Variants in SDK1 observed in about 807,000 individuals in gnomAD.
SDK1 encodes the protein sidekick cell adhesion molecule 1.
SDK1 carries 157 observed loss-of-function variants against 245.5 expected under a neutral mutation model. The ratio of observed to expected loss-of-function variants is 0.64; its 90% CI spans 0.56 to 0.73. The LOEUF (loss-of-function observed/expected upper bound fraction) is 0.73, where lower values mean the gene tolerates loss of function less well. Ranked by LOEUF, SDK1 falls within the 30% of genes least tolerant of loss-of-function variation. The pLI is 0.00. For synonymous variants in SDK1, 1,647 were observed against 1,278.5 expected, an observed-to-expected ratio of 1.29 and a Z score of -6.15; for missense variants, 3,583 against 3,002.3, an observed-to-expected ratio of 1.19 and a Z score of -4.52.
chr7:4,229,490 T>C lies in SDK1; in HGVS notation c.5828-3765T>C, dbSNP rs1785620338. On this transcript the variant is annotated intron_variant, in intron 40 of 44. Transcript: ENST00000404826. Reference sequence around the variant, plus strand: ...TCTGTATCAATATTTTAAAATGTTATTATGAAAAATGCACACAATTCCTGG... The same window carrying C: ...TCTGTATCAATATTTTAAAATGTTACTATGAAAAATGCACACAATTCCTGG... Among the ~76,000 whole-genome samples the C allele has an allele frequency of 2.0e-5, 3 of 152,222 alleles. No individual in the cohort carries two copies. In the South Asian group the frequency reaches 6.2e-4, roughly 32 times the overall value.
intron 22 of SDK1, among the ~76,000 whole-genome samples, chr7:4,103,114 C>A (rs960101169): frequency 6.6e-6 from 1 of 151,944 alleles, no homozygotes; most frequent in East Asian, 1.9e-4. Context: ...CATTCTCCTG[C>A]CTCAGCCTCC....
intron 4 of SDK1, among the ~76,000 whole-genome samples, chr7:3,699,805 G>A (rs1346986586): frequency 6.6e-6 from 1 of 152,086 alleles, no homozygotes. Flanking sequence ...AGAAATAATG[G>A]TTAAAGATTT....
chr7:3,419,803 A>G (rs1779487313), intron 1 of SDK1, among the ~76,000 whole-genome samples: 1 of 152,238 alleles, frequency 6.6e-6, no homozygotes, highest in African/African-American at 2.4e-5. Context: ...CAGAGAATTA[A>G]CAGGTTTCTC....
chr7:3,997,851 C>T (rs1237362952), intron 14 of SDK1, among the ~76,000 whole-genome samples: 1 of 152,200 alleles, frequency 6.6e-6, no homozygotes, highest in Non-Finnish European at 1.5e-5. Context: ...CTGCCTCCTG[C>T]TGCCATTCAT....
chr7:3,905,180 T>C (rs1449894413), intron 5 of SDK1, among the ~76,000 whole-genome samples: 1 of 151,852 alleles, frequency 6.6e-6, no homozygotes, highest in African/African-American at 2.4e-5. Context: ...AACTTCACCA[T>C]TTTTTTTATT....
intron 38 of SDK1, among the ~76,000 whole-genome samples, chr7:4,218,744 TCTC>T (rs1352698427): frequency 1.3e-5 from 2 of 152,156 alleles, no homozygotes; most frequent in East Asian, 3.9e-4. Flanking sequence ...GGGCAGCTCT[TCTC>T]AGGGATGCTC....
chr7:4,149,139 A>T (rs1307588208), intron 29 of SDK1, 123 bp from the exon 30 acceptor site: 2 of 646,038 alleles, frequency 3.1e-6, no homozygotes, highest in Non-Finnish European at 4.7e-6. Context: ...CAGACTGTCC[A>T]AGGCATGCAG....
intron 5 of SDK1, among the ~76,000 whole-genome samples, chr7:3,889,561 G>A (rs995856867): frequency 3.3e-5 from 5 of 152,052 alleles, no homozygotes; most frequent in Admixed American, 3.3e-4. Context: ...AGGCTGGAGT[G>A]CAGAGGAGCG....
chr7:3,534,398 T>A (rs187079216), intron 1 of SDK1, among the ~76,000 whole-genome samples: 6 of 152,310 alleles, frequency 3.9e-5, no homozygotes, highest in Admixed American at 3.3e-4. Flanking sequence ...TGGGTACATA[T>A]CTGGAAGTGA....
intron 14 of SDK1, among the ~76,000 whole-genome samples, chr7:3,996,872 C>T (rs745514048): frequency 6.6e-6 from 1 of 151,828 alleles, no homozygotes; most frequent in Non-Finnish European, 1.5e-5. Context: ...AGTAATGTCT[C>T]TTGTGTTTTT....
intron 1 of SDK1, among the ~76,000 whole-genome samples, chr7:3,336,279 A>G (rs1029751373): frequency 3.3e-5 from 5 of 152,140 alleles, no homozygotes; most frequent in African/African-American, 1.2e-4. Flanking sequence ...TTAATCTTTC[A>G]TATCCTGCCT....
chr7:3,840,644 A>G (rs558711525), intron 5 of SDK1, among the ~76,000 whole-genome samples: 3 of 152,318 alleles, frequency 2.0e-5, no homozygotes, highest in South Asian at 4.1e-4. Context: ...ATTTCCAACA[A>G]GCTCCCAGGT....
At chr7:4,017,796 G>A (rs1156950021) in intron 17 of SDK1, among the ~76,000 whole-genome samples, 2 of 152,134 alleles carry the variant, frequency 1.3e-5, no homozygotes, top group Non-Finnish European at 2.9e-5. Flanking sequence ...TTGCAACGTG[G>A]TACTTTTTTT....
rs575812390 is a variant in SDK1 at position 3,847,971 on chromosome 7, ATACTATC to A, written c.847+26389_847+26395del. ...TATGCTTGAAAAACAGTTATTAATC[ATACTATC>A]GTACTTTCCTGCAACATACGTATCA... On this transcript the variant is annotated intron_variant, in intron 5 of 44. Coordinates refer to ENST00000404826, the MANE Select transcript of SDK1 (RefSeq NM_152744.4). Among the ~76,000 whole-genome samples the A allele has an allele frequency of 8.0e-3, 1,220 of 152,362 alleles. 16 individuals carry two copies. Among genetic ancestry groups the A allele is most frequent in the African/African-American group, 0.028 (1,157 of 41,584 alleles).
intron 1 of SDK1, among the ~76,000 whole-genome samples, chr7:3,558,921 C>T (rs1464629358): frequency 6.6e-6 from 1 of 152,162 alleles, no homozygotes; most frequent in African/African-American, 2.4e-5. Flanking sequence ...TACAAATTCA[C>T]ATAATCATTT....
intron 5 of SDK1, among the ~76,000 whole-genome samples, chr7:3,928,185 A>G (rs1161142479): frequency 4.6e-5 from 7 of 152,190 alleles, no homozygotes; most frequent in African/African-American, 1.7e-4. Flanking sequence ...TATAAATTAT[A>G]CTCATTATCT....
At chr7:4,046,035 C>A (rs1312581207) in intron 17 of SDK1, among the ~76,000 whole-genome samples, 1 of 151,818 alleles carries the variant, frequency 6.6e-6, no homozygotes, top group Non-Finnish European at 1.5e-5. Context: ...GTCAAGGGAT[C>A]CTCCTGCCTC....
chr7:3,625,070 A>T (rs532589092), intron 2 of SDK1, among the ~76,000 whole-genome samples: 1 of 152,140 alleles, frequency 6.6e-6, no homozygotes, highest in African/African-American at 2.4e-5. Context: ...ATATATATTC[A>T]AATGAGTTCT....
intron 1 of SDK1, among the ~76,000 whole-genome samples, chr7:3,319,104 G>C (rs1779732211): frequency 6.6e-6 from 1 of 152,290 alleles, no homozygotes; most frequent in Non-Finnish European, 1.5e-5. Context: ...AACTCTGGCA[G>C]TGGGGCCTCA....
Sources: gnomAD v4.1 joint callset for allele counts (sites outside exome capture counted in the v4.1 genomes callset) on GRCh38, gnomAD v4.1.1 for gene constraint, MANE v1.5 for transcripts, NCBI Gene and HGNC (gene_info 2026-07-23, HGNC 2026-07-21) for gene names.